Variants in HAO2 observed in about 807,000 individuals in gnomAD.
HAO2 encodes the protein 2-Hydroxyacid oxidase 2.
In HAO2, 42 loss-of-function variants were observed where a neutral mutation model predicts 37.4. The ratio of observed to expected loss-of-function variants is 1.12; its 90% CI spans 0.88 to 1.45. HAO2 has a LOEUF of 1.45. HAO2 is among the 40% of genes most tolerant of loss of function. The pLI is 0.00. For synonymous variants in HAO2, 180 were observed against 162.8 expected, an observed-to-expected ratio of 1.11 and a Z score of -0.81; for missense variants, 476 against 430.2, an observed-to-expected ratio of 1.11 and a Z score of -0.94.
chr1:119,384,695 A>G, intron 3 of HAO2, 81 bp from the exon 4 acceptor site: 1 of 1,123,670 alleles, frequency 8.9e-7, no homozygotes, highest in Non-Finnish European at 1.3e-6. Context: ...AGATGGCCAG[A>G]GGCTACACAG....
At chr1:119,388,843 T>C (rs1650596185) in intron 5 of HAO2, among the ~76,000 whole-genome samples, 1 of 151,858 alleles carries the variant, frequency 6.6e-6, no homozygotes, top group African/African-American at 2.4e-5. Flanking sequence ...AGTTCTTTAG[T>C]GGTGATTTGT....
intron 3 of HAO2, 94 bp from the exon 4 acceptor site, chr1:119,384,682 G>T: frequency 4.2e-6 from 4 of 962,646 alleles, no homozygotes; most frequent in Non-Finnish European, 6.3e-6. Flanking sequence ...CATTCATGGG[G>T]CAAGATGGCC....
intron 1 of HAO2, among the ~76,000 whole-genome samples, chr1:119,376,774 C>T (rs894232675): frequency 6.6e-6 from 1 of 152,228 alleles, no homozygotes; most frequent in African/African-American, 2.4e-5. Context: ...GGCTTGCACC[C>T]TCTGAAGCTA....
At position 119,387,411 on chromosome 1, in the gene HAO2, G is replaced by A. The variant is rs587757735; in HGVS notation, c.771+580G>A. Among the ~76,000 whole-genome samples, 54 of 152,210 alleles carry A rather than the reference G, an allele frequency of 3.5e-4. 1 individual carries two copies. In the South Asian group the frequency reaches 0.011, roughly 31 times the overall value. On this transcript the variant is annotated intron_variant, in intron 5 of 7. Transcript: ENST00000325945. ...TTCATTGAGTTATATTTTTTCAAAT[G>A]TTCTATTGCTGCTTGACTTGTTTTA...
rs375297533 is a variant in HAO2, at chr1:119,383,062, A to T, written c.279A>T (p.Ala93=). The T allele has an allele frequency of 6.2e-7, 1 of 1,610,968 alleles. No individual in the cohort carries two copies. Among genetic ancestry groups the T allele is most frequent in the Non-Finnish European group, 8.5e-7 (1 of 1,178,492 alleles). ...LVWPDGEMST[A]RAAQAAGICY... The stretch of plus-strand genomic sequence containing the variant: ...GGCCTGATGGGGAAATGAGCACAGC[A>T]AGAGGTATGAACCATCCCCACCTCG... The change falls in exon 3 of 8, where the codon GCA becomes GCT. Residue 93 remains alanine, a synonymous_variant. Transcript: ENST00000325945.
chr1:119,390,451 G>A (rs1650790091), intron 5 of HAO2, among the ~76,000 whole-genome samples: 1 of 152,246 alleles, frequency 6.6e-6, no homozygotes. Context: ...ATTTCACCAT[G>A]TTGGCCAGGC....
At chr1:119,389,901 C>G (rs1215854452) in intron 5 of HAO2, among the ~76,000 whole-genome samples, 6 of 152,074 alleles carry the variant, frequency 3.9e-5, no homozygotes, top group Non-Finnish European at 7.4e-5. Context: ...ATGTTATATT[C>G]TAGAATTTTT....
intron 3 of HAO2, among the ~76,000 whole-genome samples, chr1:119,383,284 T>G (rs1214770003): frequency 6.6e-6 from 1 of 151,968 alleles, no homozygotes; most frequent in Non-Finnish European, 1.5e-5. Flanking sequence ...TGCAAGGGGG[T>G]TTACAGATGA....
At chr1:119,384,735 GC>G in intron 3 of HAO2, 40 bp from the exon 4 acceptor site, 1 of 1,589,616 alleles carries the variant, frequency 6.3e-7, no homozygotes, top group Non-Finnish European at 8.6e-7. Context: ...CAGTCCAGAG[GC>G]CTCTGCCCTC....
chr1:119,390,438 G>A (rs1260130832), intron 5 of HAO2, among the ~76,000 whole-genome samples: 4 of 152,070 alleles, frequency 2.6e-5, no homozygotes, highest in Non-Finnish European at 5.9e-5. Flanking sequence ...TAGTAGAGAT[G>A]GGATTTCACC....
chr1:119,382,996 C>A lies in HAO2; in HGVS notation c.213C>A (p.Ala71=), dbSNP rs1447873693. ...CAATCCAAGGGGAGGAGATCAGTGCCCCTATTTGTATCGCACCCACAGGGT... is the reference window on the plus strand; with the variant it reads ...CAATCCAAGGGGAGGAGATCAGTGCACCTATTTGTATCGCACCCACAGGGT... ...RTTIQGEEIS[A]PICIAPTGFH... Residue 71 remains alanine (A), a synonymous_variant, in exon 3 of 8, where the codon GCC becomes GCA. Coordinates refer to ENST00000325945, the MANE Select transcript of HAO2 (RefSeq NM_016527.4). 1.9e-6 allele frequency: 3 copies of A among 1,612,772 alleles called. No homozygotes were observed. The highest frequency in any genetic ancestry group is 2.5e-6 in the Non-Finnish European group (3 of 1,179,072).
chr1:119,382,207 G>T (rs1221059481), intron 2 of HAO2, among the ~76,000 whole-genome samples: 1 of 152,140 alleles, frequency 6.6e-6, no homozygotes, highest in East Asian at 1.9e-4. Context: ...TGAAGTGACT[G>T]AGGCTACCTT....
chr1:119,392,228 T>G lies in HAO2; in HGVS notation c.890T>G (p.Ile297Ser), dbSNP rs1381978078. Residue 297 changes from isoleucine to serine, a missense_variant, in exon 6 of 8, where the codon ATT becomes AGT. By Grantham distance (142) the Ile-to-Ser change is moderately radical. Transcript: ENST00000325945. ...GCTCTGGCCCTTGGAGCTAAGTGCA[T>G]TTTTCTTGGGAGACCAATCCTATGG... ...LKALALGAKC[I>S]FLGRPILWGL... is the part of the protein sequence containing the mutation. The G allele has an allele frequency of 6.2e-7, 1 of 1,613,038 alleles. No individual in the cohort carries two copies. Among genetic ancestry groups the G allele is most frequent in the Non-Finnish European group, 8.5e-7 (1 of 1,179,372 alleles).
chr1:119,369,443 G>C (rs1648782785), intron 1 of HAO2, among the ~76,000 whole-genome samples: 1 of 152,182 alleles, frequency 6.6e-6, no homozygotes, highest in African/African-American at 2.4e-5. Flanking sequence ...TGAATCTACA[G>C]ATCAACCTGC....
rs1557846840 is a variant in HAO2, at chr1:119,380,732, C to A, written c.-8-346C>A. 5 of 1,575,682 alleles carry A rather than the reference C, an allele frequency of 3.2e-6. No individual in the cohort carries two copies. The Admixed American group carries it at 5.0e-5, about 16-fold the overall frequency. ...GTGGAGTGAATGTGAAGGCAAGATA[C>A]AAAAATAAGAATTTTTTGTAATAAG... On this transcript the variant is annotated intron_variant, in intron 1 of 7. Transcript: ENST00000325945.
At chr1:119,369,800 T>A (rs1648822657) in intron 1 of HAO2, among the ~76,000 whole-genome samples, 1 of 152,194 alleles carries the variant, frequency 6.6e-6, no homozygotes, top group Admixed American at 6.5e-5. Flanking sequence ...CTAAATCGTA[T>A]CAGCTATCAA....
rs138400965 is a variant in HAO2, at chr1:119,393,787, T to G, written c.1003T>G (p.Cys335Gly). 11 of 1,613,130 alleles carry G rather than the reference T, an allele frequency of 6.8e-6. No individual in the cohort carries two copies. Among genetic ancestry groups the G allele is most frequent in the Admixed American group, 1.7e-5 (1 of 59,970 alleles). The change falls in exon 8 of 8, where the codon TGC becomes GGC. Residue 335 changes from cysteine to glycine, a missense_variant and splice_region_variant. Physicochemically the swap from Cys to Gly is radical, Grantham distance 159 (BLOSUM62 -3). Coordinates refer to ENST00000325945, the MANE Select transcript of HAO2 (RefSeq NM_016527.4). ...TTGTAACCACATTGTTCTTTTAGGC[T>G]GCCGGTCGGTCGCTGAGATCAATCG... Reference protein sequence around the residue: ...EFHTSMALTGCRSVAEINRNL... With the variant: ...EFHTSMALTGGRSVAEINRNL...
chr1:119,386,591 C>T, intron 4 of HAO2, 31 bp from the exon 5 acceptor site: 1 of 1,362,666 alleles, frequency 7.3e-7, no homozygotes, highest in Non-Finnish European at 1.1e-6. Flanking sequence ...TGTGAGAGCT[C>T]AGGACTAAGT....
At chr1:119,378,075 A>C (rs1437397534) in intron 1 of HAO2, among the ~76,000 whole-genome samples, 1 of 152,214 alleles carries the variant, frequency 6.6e-6, no homozygotes, top group Non-Finnish European at 1.5e-5. Context: ...TTGTATTTTT[A>C]AACCTAGAAA....
Sources: gnomAD v4.1 joint callset for allele counts (sites outside exome capture counted in the v4.1 genomes callset) on GRCh38, gnomAD v4.1.1 for gene constraint, MANE v1.5 for transcripts, NCBI Gene and HGNC (gene_info 2026-07-23, HGNC 2026-07-21) for gene names.